The following CAPN7 variants were observed in gnomAD, a reference collection of about 807,000 sequenced individuals.
CAPN7 encodes calpain-7.
CAPN7 carries 72 observed loss-of-function variants against 115.2 expected under a neutral mutation model. The observed-to-expected ratio is 0.63, with a 90% CI of 0.52 to 0.76. The LOEUF is 0.76. Among genes scored for constraint, CAPN7 ranks in the 30% least tolerant of loss-of-function variants. The probability of loss-of-function intolerance (pLI) is 0.00; values close to 1 mark genes in which losing one functional copy is unlikely to be tolerated. For synonymous variants in CAPN7, 344 were observed against 322.3 expected (o/e 1.07, Z -0.72); for missense variants, 905 against 971.5 (o/e 0.93, Z 0.91).
At position 15,252,756 on chromosome 3, in the gene CAPN7, A is replaced by G. The variant is rs898308364; in HGVS notation, c.*1496A>G. 1.3e-5 allele frequency: 2 copies of G among 151,450 alleles called. No individual in the cohort carries two copies. The highest frequency in any genetic ancestry group is 2.9e-5 in the Non-Finnish European group (2 of 68,036). 9.4% of individuals were successfully genotyped at this position (151,450 alleles called of 1,614,324 possible). Reference sequence around the variant, plus strand: ...TAAGGGAAAGATTAATTTTGGCTGGACCAATATAAAAAATTGTATTTGAAG... The same window carrying G: ...TAAGGGAAAGATTAATTTTGGCTGGGCCAATATAAAAAATTGTATTTGAAG... On this transcript the variant is annotated 3_prime_UTR_variant, in exon 21 of 21. Transcript: ENST00000253693.
intron 16 of CAPN7, 58 bp downstream of exon 16, chr3:15,242,311 GAT>G: frequency 4.6e-6 from 5 of 1,095,174 alleles, no homozygotes; most frequent in Non-Finnish European, 6.6e-6. Flanking sequence ...TTATTTATAT[GAT>G]TAAGTTGAAA....
intron 19 of CAPN7, among the ~76,000 whole-genome samples, chr3:15,249,864 A>G (rs962675338): frequency 5.3e-5 from 8 of 151,478 alleles, no homozygotes; most frequent in Admixed American, 5.3e-4. Flanking sequence ...TCCTGGGTTC[A>G]AGCGATTCTC....
At chr3:15,211,248 C>G (rs560916832) in intron 1 of CAPN7, among the ~76,000 whole-genome samples, 43 of 152,152 alleles carry the variant, frequency 2.8e-4, no homozygotes, top group Admixed American at 1.1e-3. Context: ...AATTATTACT[C>G]GTTTTAATGC....
At chr3:15,234,921 A>G in intron 11 of CAPN7, 104 bp from the exon 12 acceptor site, 1 of 920,972 alleles carries the variant, frequency 1.1e-6, no homozygotes, top group Non-Finnish European at 1.6e-6. Context: ...AGGGGTAGGA[A>G]CAGCCCATTT....
At chr3:15,221,972 G>A (rs928239815) in intron 5 of CAPN7, among the ~76,000 whole-genome samples, 1 of 150,374 alleles carries the variant, frequency 6.7e-6, no homozygotes, top group African/African-American at 2.5e-5. Flanking sequence ...AAATATGTGT[G>A]TATACACGTG....
Position 15,246,716 on chromosome 3 carries a change from C to G in CAPN7, c.2011-16C>G. ...TAAGTGTAAAATTTATCAATACAGT[C>G]TTTTTTTAAATCTAGGTATATTCAG... On this transcript the variant is annotated splice_polypyrimidine_tract_variant and intron_variant, in intron 17 of 20. Transcript: ENST00000253693. 1.3e-6 allele frequency: 2 copies of G among 1,551,560 alleles called. No homozygotes were observed. The highest frequency in any genetic ancestry group is 1.8e-6 in the Non-Finnish European group (2 of 1,125,532).
rs1696028437 is a variant in CAPN7, at chr3:15,252,064, A to G, written c.*804A>G. On this transcript the variant is annotated 3_prime_UTR_variant, in exon 21 of 21. Transcript: ENST00000253693. The stretch of plus-strand genomic sequence containing the variant: ...CTTGTGGCAATAGCACTTTGAAGAA[A>G]ATAGAGAATTTAATATATGGTGATT... 1 of 152,618 alleles carries G rather than the reference A, an allele frequency of 6.6e-6. No homozygotes were observed. The highest frequency in any genetic ancestry group is 2.4e-5 in the African/African-American group (1 of 41,458). The allele number at this position is 152,618 out of a possible 1,614,324, so 9.5% of individuals were successfully genotyped here.
chr3:15,234,273 A>ACG (rs1694863074), intron 11 of CAPN7, among the ~76,000 whole-genome samples: 1 of 152,192 alleles, frequency 6.6e-6, no homozygotes, highest in Non-Finnish European at 1.5e-5. Context: ...CCGAGATTGC[A>ACG]CCATTGCACT....
chr3:15,220,957 CA>C lies in CAPN7; in HGVS notation c.615del (p.Ala206GlnfsTer4). 1 of 1,613,844 alleles carries C rather than the reference CA, an allele frequency of 6.2e-7. No homozygotes were observed. The highest frequency in any genetic ancestry group is 1.1e-5 in the South Asian group (1 of 91,078). On this transcript the variant is annotated frameshift_variant, in exon 5 of 21. Coordinates refer to ENST00000253693, the MANE Select transcript of CAPN7 (RefSeq NM_014296.3). LOFTEE classifies it high-confidence loss of function. The stretch of plus-strand genomic sequence containing the variant: ...TGTGATGCACAAGGACAGAGATACA[CA>C]GCAGAAGAAATAGAAGTACTCAGGT... The part of the protein sequence containing the change: ...QSCDAQGQRY[T>X]AEEIEVLRTT...
intron 1 of CAPN7, among the ~76,000 whole-genome samples, chr3:15,209,983 C>G (rs905518001): frequency 2.0e-5 from 3 of 152,016 alleles, no homozygotes; most frequent in African/African-American, 7.2e-5. Context: ...AAATTGACAC[C>G]AGCAGTTTTT....
chr3:15,239,269 G>A (rs1388816325), intron 12 of CAPN7, among the ~76,000 whole-genome samples: 8 of 152,290 alleles, frequency 5.3e-5, no homozygotes, highest in South Asian at 2.1e-4. Flanking sequence ...ATGTGTTGTT[G>A]TGGTTGTTTA....
intron 4 of CAPN7, among the ~76,000 whole-genome samples, chr3:15,219,922 C>T (rs1009718442): frequency 6.6e-5 from 10 of 152,146 alleles, no homozygotes; most frequent in Non-Finnish European, 8.8e-5. Context: ...ATTACCTGGC[C>T]GGGCACGGTG....
In CAPN7 at chr3:15,208,544, C is replaced by T. The variant is rs944488359; in HGVS notation, c.102+1947C>T. ...ACTCCTGGGTCAAGCGATCTTCCTG[C>T]CTCAGTCTCCCAAAATGCTGGAATT... On this transcript the variant is annotated intron_variant, in intron 1 of 20. Coordinates refer to ENST00000253693, the MANE Select transcript of CAPN7 (RefSeq NM_014296.3). 6.0e-5 allele frequency among the ~76,000 whole-genome samples: 9 copies of T among 150,646 alleles called. No individual in the cohort carries two copies. In the East Asian group the frequency reaches 1.6e-3, roughly 26 times the overall value.
chr3:15,250,973 A>AG lies in CAPN7; in HGVS notation c.2249dup (p.Asp751ArgfsTer12). 6.2e-7 allele frequency: 1 copy of AG among 1,613,680 alleles called. No individual in the cohort carries two copies. The highest frequency in any genetic ancestry group is 2.2e-5 in the East Asian group (1 of 44,836). The stretch of plus-strand genomic sequence containing the variant: ...TTGAGGTTGTAACAGTTTCTACTCT[A>AG]GGAGATCCTGGTCCCCATGGCTTTC... On this transcript the variant is annotated frameshift_variant, in exon 20 of 21. Coordinates refer to ENST00000253693, the MANE Select transcript of CAPN7 (RefSeq NM_014296.3). LOFTEE classifies it high-confidence loss of function.
At chr3:15,235,385 T>C (rs1238022309) in intron 12 of CAPN7, among the ~76,000 whole-genome samples, 1 of 152,218 alleles carries the variant, frequency 6.6e-6, no homozygotes. Flanking sequence ...TACACCTCTT[T>C]GTCTTTTCCA....
At chr3:15,206,747 G>T (rs938901917) in intron 1 of CAPN7, 150 bp downstream of exon 1, 1 of 628,908 alleles carries the variant, frequency 1.6e-6, no homozygotes. Flanking sequence ...TGTTGGGAGC[G>T]GCAAGCCCGA....
In CAPN7 at chr3:15,233,687, T is replaced by C. The variant is rs111863448; in HGVS notation, c.1180-180T>C. Among the ~76,000 whole-genome samples, 418 of 152,348 alleles carry C rather than the reference T, an allele frequency of 2.7e-3. 6 individuals are homozygous for C. The highest frequency in any genetic ancestry group is 9.6e-3 in the African/African-American group (398 of 41,588). ...CAAAGATTGTAGGGAAAAATATGCATGTTCAAATTCAGTTAGGAATTTGAG... is the reference window on the plus strand; with the variant it reads ...CAAAGATTGTAGGGAAAAATATGCACGTTCAAATTCAGTTAGGAATTTGAG... On this transcript the variant is annotated intron_variant, in intron 10 of 20. Transcript: ENST00000253693.
At position 15,246,736 on chromosome 3, in the gene CAPN7, AT is replaced by A; in HGVS notation, c.2017del (p.Ser673GlnfsTer49). ...ACAGTCTTTTTTTAAATCTAGGTAT[AT>A]TCAGCATGCAGCTTTACTTTTTCAA... ...QNTIHYTVRVYSACSFTFSKI... is the reference protein window; with the variant it reads ...QNTIHYTVRVXSACSFTFSKI... On this transcript the variant is annotated frameshift_variant, in exon 18 of 21. Transcript: ENST00000253693. LOFTEE classifies it high-confidence loss of function. The A allele has an allele frequency of 1.3e-6, 2 of 1,599,254 alleles. No individual in the cohort carries two copies. The highest frequency in any genetic ancestry group is 1.7e-6 in the Non-Finnish European group (2 of 1,167,788).
chr3:15,247,219 CAG>C (rs1252220388), intron 18 of CAPN7, 106 bp from the exon 19 acceptor site: 2 of 809,144 alleles, frequency 2.5e-6, no homozygotes, highest in African/African-American at 3.8e-5. Context: ...GTTGGAGACA[CAG>C]AGTGGAAAAT....
Sources: gnomAD v4.1 joint callset for allele counts (sites outside exome capture counted in the v4.1 genomes callset) on GRCh38, gnomAD v4.1.1 for gene constraint, MANE v1.5 for transcripts, NCBI Gene and HGNC (gene_info 2026-07-23, HGNC 2026-07-21) for gene names.